Variants in PCDH9 observed in about 807,000 individuals in gnomAD.
PCDH9 encodes protocadherin 9, also known as protocadherin-9.
PCDH9 carries 24 observed loss-of-function variants against 70.6 expected under a neutral mutation model. The observed-to-expected ratio is 0.34, with a 90% confidence interval of 0.25 to 0.48. The LOEUF (loss-of-function observed/expected upper bound fraction) is 0.48, where lower values mean the gene tolerates loss of function less well. Ranked by LOEUF, PCDH9 falls within the 20% of genes least tolerant of loss-of-function variation. PCDH9 has a pLI of 0.99. For synonymous variants in PCDH9, 562 were observed against 558.5 expected, an observed-to-expected ratio of 1.01 and a Z score of -0.09; for missense variants, 1,281 against 1,503.6, an observed-to-expected ratio of 0.85 and a Z score of 2.45.
At position 66,849,503 on chromosome 13, in the gene PCDH9, T is replaced by TAGAGAG. The variant is rs1348037438; in HGVS notation, c.3138+54000_3138+54001insCTCTCT. Among the ~76,000 whole-genome samples the TAGAGAG allele has an allele frequency of 1.6e-3, 149 of 92,696 alleles. 1 individual carries two copies. The highest frequency in any genetic ancestry group is 2.3e-3 in the African/African-American group (46 of 20,246). The allele number at this position is 92,696 out of a possible 152,430, so 60.8% of individuals were successfully genotyped here. On this transcript the variant is annotated intron_variant, in intron 3 of 4. Transcript: ENST00000377865. The stretch of plus-strand genomic sequence containing the variant: ...ATAGGTAGGTATATATATATATATA[T>TAGAGAG]ATATATATATATATAGAGAGAGAGA...
At chr13:66,515,885 T>C (rs2138595689) in intron 4 of PCDH9, among the ~76,000 whole-genome samples, 1 of 152,118 alleles carries the variant, frequency 6.6e-6, no homozygotes, top group South Asian at 2.1e-4. Flanking sequence ...ACAAGTTTTT[T>C]GAGAATATGA....
intron 2 of PCDH9, among the ~76,000 whole-genome samples, chr13:67,097,868 G>A (rs982932006): frequency 3.3e-5 from 5 of 152,080 alleles, no homozygotes; most frequent in African/African-American, 9.7e-5. Flanking sequence ...ATATAAATAC[G>A]CTAAGTGTTT....
At chr13:66,655,222 AGAGT>A (rs1330100577) in intron 3 of PCDH9, among the ~76,000 whole-genome samples, 4 of 152,172 alleles carry the variant, frequency 2.6e-5, no homozygotes, top group Admixed American at 1.3e-4. Context: ...ACAGTAGTTA[AGAGT>A]GAGTGAGTAC....
intron 2 of PCDH9, among the ~76,000 whole-genome samples, chr13:67,027,524 T>C (rs1428707263): frequency 6.6e-6 from 1 of 151,826 alleles, no homozygotes; most frequent in Admixed American, 6.6e-5. Context: ...ACTTCATGTC[T>C]AAAACACCAA....
chr13:67,182,935 A>G (rs2088656310), intron 2 of PCDH9, among the ~76,000 whole-genome samples: 1 of 152,108 alleles, frequency 6.6e-6, no homozygotes, highest in Non-Finnish European at 1.5e-5. Context: ...TATCTTTTCA[A>G]TCTCCTGAAA....
At chr13:66,765,341 A>T (rs1467377590) in intron 3 of PCDH9, among the ~76,000 whole-genome samples, 2 of 151,978 alleles carry the variant, frequency 1.3e-5, no homozygotes, top group Non-Finnish European at 2.9e-5. Flanking sequence ...ATAAAAATAA[A>T]TTTTTAACTT....
Position 66,958,398 on chromosome 13 carries a change from G to C in PCDH9, c.3037-54793C>G, listed in dbSNP as rs149079819. Among the ~76,000 whole-genome samples the C allele has an allele frequency of 3.9e-3, 596 of 152,308 alleles. 9 individuals are homozygous for C. Among genetic ancestry groups the C allele is most frequent in the African/African-American group, 0.014 (578 of 41,576 alleles). On this transcript the variant is annotated intron_variant, in intron 2 of 4. Transcript: ENST00000377865. ...CAAAATACAGTCAGGGAGTTGCATT[G>C]ATATAGAATAATTCATTGTTCAGTT...
intron 3 of PCDH9, among the ~76,000 whole-genome samples, chr13:66,684,089 A>G (rs1487133086): frequency 6.6e-6 from 1 of 152,176 alleles, no homozygotes; most frequent in Non-Finnish European, 1.5e-5. Context: ...ACATAGTTTG[A>G]TATGATACAT....
intron 4 of PCDH9, among the ~76,000 whole-genome samples, chr13:66,613,760 G>C (rs892213817): frequency 1.6e-4 from 3 of 18,812 alleles, no homozygotes; most frequent in African/African-American, 1.7e-4. Context: ...TGTAAAAAGA[G>C]CTCAATTAAT....
intron 4 of PCDH9, among the ~76,000 whole-genome samples, chr13:66,522,970 A>G (rs982859122): frequency 1.3e-5 from 2 of 152,130 alleles, no homozygotes; most frequent in Non-Finnish European, 2.9e-5. Context: ...ATAATATAAT[A>G]TCTTAACATT....
intron 4 of PCDH9, among the ~76,000 whole-genome samples, chr13:66,614,535 C>G (rs1489356826): frequency 6.6e-6 from 1 of 152,112 alleles, no homozygotes; most frequent in Admixed American, 6.6e-5. Context: ...TTCATAATAT[C>G]AAGTGTTTTA....
chr13:66,737,364 A>C (rs148814260), intron 3 of PCDH9, among the ~76,000 whole-genome samples: 3 of 152,290 alleles, frequency 2.0e-5, no homozygotes, highest in Admixed American at 1.3e-4. Context: ...TTCTTTCTCA[A>C]TATCTCTTTC....
At chr13:66,983,812 T>A (rs1031528095) in intron 2 of PCDH9, among the ~76,000 whole-genome samples, 29 of 151,762 alleles carry the variant, frequency 1.9e-4, no homozygotes, top group African/African-American at 6.3e-4. Context: ...CCCAATCGTT[T>A]TTTTTGTTTT....
intron 3 of PCDH9, among the ~76,000 whole-genome samples, chr13:66,897,082 G>GAT (rs2082193658): frequency 6.6e-6 from 1 of 152,076 alleles, no homozygotes; most frequent in Non-Finnish European, 1.5e-5. Context: ...GTAACATGTT[G>GAT]ATATGAGTAT....
chr13:66,910,055 C>T (rs561498633), intron 2 of PCDH9, among the ~76,000 whole-genome samples: 1 of 152,262 alleles, frequency 6.6e-6, no homozygotes, highest in South Asian at 2.1e-4. Context: ...AATTCCCATT[C>T]CAGATCTTTC....
intron 4 of PCDH9, among the ~76,000 whole-genome samples, chr13:66,503,620 CTTAT>C (rs1959188689): frequency 6.6e-6 from 1 of 152,076 alleles, no homozygotes; most frequent in African/African-American, 2.4e-5. Flanking sequence ...GAGCAGGTGA[CTTAT>C]TTGCCTTACT....
intron 2 of PCDH9, among the ~76,000 whole-genome samples, chr13:66,944,803 T>C (rs1038155959): frequency 3.5e-5 from 5 of 140,972 alleles, no homozygotes; most frequent in Non-Finnish European, 6.0e-5. Flanking sequence ...TTAAGGCCCA[T>C]CTTCTAATCG....
intron 3 of PCDH9, among the ~76,000 whole-genome samples, chr13:66,662,600 T>C (rs191938581): frequency 3.3e-5 from 5 of 152,340 alleles, no homozygotes; most frequent in Admixed American, 1.3e-4. Flanking sequence ...GAATATCCAG[T>C]GTCCAACATA....
At chr13:66,462,200 T>C (rs763043122) in intron 4 of PCDH9, among the ~76,000 whole-genome samples, 10 of 151,798 alleles carry the variant, frequency 6.6e-5, no homozygotes, top group Non-Finnish European at 1.0e-4. Flanking sequence ...CTGCACACAG[T>C]GCTATAGGTG....
Sources: gnomAD v4.1 joint callset for allele counts (sites outside exome capture counted in the v4.1 genomes callset) on GRCh38, gnomAD v4.1.1 for gene constraint, MANE v1.5 for transcripts, NCBI Gene and HGNC (gene_info 2026-07-23, HGNC 2026-07-21) for gene names.